DRC9: variants seen among roughly 807,000 people sequenced by gnomAD.
DRC9 encodes the protein dynein regulatory complex subunit 9.
chr3:197,927,259 C>T, the DRC9 span, among the ~76,000 whole-genome samples: 1 of 152,176 alleles, frequency 6.6e-6, no homozygotes, highest in African/African-American at 2.4e-5. Flanking sequence ...CAGAGTCTCA[C>T]TCTGTTCTCC....
the DRC9 span, among the ~76,000 whole-genome samples, chr3:197,955,103 A>C: frequency 6.6e-6 from 1 of 151,896 alleles, no homozygotes; most frequent in Non-Finnish European, 1.5e-5. Flanking sequence ...TGGAATGTAG[A>C]CTGTATATTC....
the DRC9 span, among the ~76,000 whole-genome samples, chr3:197,940,981 G>C: frequency 6.8e-6 from 1 of 145,986 alleles, no homozygotes. Flanking sequence ...TACTGGAGTA[G>C]TGACCACTGC....
the DRC9 span, among the ~76,000 whole-genome samples, chr3:197,904,106 ATATATT>A: frequency 0.027 from 708 of 26,080 alleles, 23 homozygotes; most frequent in African/African-American, 0.052. Flanking sequence ...ATATATATAT[ATATATT>A]TTTTTTTTTA....
chr3:197,943,998 G>A, the DRC9 span: 102 of 1,613,948 alleles, frequency 6.3e-5, no homozygotes, highest in South Asian at 6.9e-4. Context: ...CACTGACACC[G>A]TCATCTCAGA....
At chr3:197,931,331 C>T in the DRC9 span, among the ~76,000 whole-genome samples, 1 of 150,956 alleles carries the variant, frequency 6.6e-6, no homozygotes, top group African/African-American at 2.4e-5. Context: ...AAAATACAAA[C>T]ATTAGCCAGG....
At chr3:197,892,478 G>T in the DRC9 span, 1 of 897,874 alleles carries the variant, frequency 1.1e-6, no homozygotes, top group Non-Finnish European at 1.7e-6. Context: ...CCCAGCTACT[G>T]TGGCCTATTT....
chr3:197,942,728 A>C, the DRC9 span, among the ~76,000 whole-genome samples: 1 of 151,712 alleles, frequency 6.6e-6, no homozygotes. Context: ...GACCAGCCTG[A>C]CCAACATGGA....
the DRC9 span, among the ~76,000 whole-genome samples, chr3:197,908,765 A>T: frequency 6.7e-6 from 1 of 149,214 alleles, no homozygotes; most frequent in East Asian, 2.0e-4. Context: ...TGAAGTCATC[A>T]CAGGGGTGGT....
chr3:197,903,387 C>T, the DRC9 span, among the ~76,000 whole-genome samples: 1 of 152,182 alleles, frequency 6.6e-6, no homozygotes, highest in South Asian at 2.1e-4. Context: ...TGGCTCACAC[C>T]TGTAATCCCA....
the DRC9 span, among the ~76,000 whole-genome samples, chr3:197,949,198 T>A: frequency 6.6e-6 from 1 of 152,270 alleles, no homozygotes; most frequent in Non-Finnish European, 1.5e-5. Flanking sequence ...GGCATAGATT[T>A]GTTTACTGCC....
At chr3:197,929,367 G>T in the DRC9 span, among the ~76,000 whole-genome samples, 2 of 152,216 alleles carry the variant, frequency 1.3e-5, no homozygotes, top group African/African-American at 4.8e-5. This position sits in a 1 kb window ranked among gnomAD's most constrained non-coding sequence, Gnocchi z 4.6. Context: ...ATGCTACAGT[G>T]CAGTGTTGCC....
At chr3:197,911,402 C>G in the DRC9 span, among the ~76,000 whole-genome samples, 335 of 152,144 alleles carry the variant, frequency 2.2e-3, no homozygotes, top group African/African-American at 6.3e-3. Context: ...TGAAGAAAAA[C>G]AGTTCTTTGG....
chr3:197,913,562 C>T, the DRC9 span: 8 of 484,540 alleles, frequency 1.7e-5, no homozygotes, highest in Non-Finnish European at 3.0e-5. Context: ...AACTAAGCAC[C>T]TCGTTTTGCC....
At chr3:197,891,607 C>T in the DRC9 span, 18 of 860,656 alleles carry the variant, frequency 2.1e-5, no homozygotes, top group Non-Finnish European at 2.8e-5. Context: ...TGTAGCCCAG[C>T]CAGCCCTGCA....
At chr3:197,957,713 C>T in the DRC9 span, 3 of 152,158 alleles carry the variant, frequency 2.0e-5, no homozygotes, top group Middle Eastern at 3.1e-3. Context: ...ACGCAGTCAG[C>T]GCGAGGAAGT....
the DRC9 span, among the ~76,000 whole-genome samples, chr3:197,935,631 C>T: frequency 8.2e-4 from 124 of 151,926 alleles, no homozygotes; most frequent in Middle Eastern, 3.4e-3. Context: ...GACTAAAGCA[C>T]GCCACCACGC....
chr3:197,928,565 G>T, the DRC9 span, among the ~76,000 whole-genome samples: 10 of 151,978 alleles, frequency 6.6e-5, no homozygotes, highest in Non-Finnish European at 1.2e-4. Flanking sequence ...GGCCAGGCTG[G>T]TCTCAAACTC....
chr3:197,912,018 AATTAATTTAAAAATT>A, the DRC9 span, among the ~76,000 whole-genome samples: 18 of 152,076 alleles, frequency 1.2e-4, no homozygotes, highest in African/African-American at 4.1e-4. Context: ...ATTTAAAAAT[AATTAATTTAAAAATT>A]ATGTCTTTTT....
At chr3:197,901,145 A>G in the DRC9 span, among the ~76,000 whole-genome samples, 1 of 151,346 alleles carries the variant, frequency 6.6e-6, no homozygotes, top group East Asian at 1.9e-4. This position sits in a 1 kb window ranked among gnomAD's most constrained non-coding sequence, Gnocchi z 4.4. Context: ...TCAGGCCTTG[A>G]CTCTTTTTTT....
Sources: gnomAD v4.1 joint callset for allele counts (sites outside exome capture counted in the v4.1 genomes callset) on GRCh38, gnomAD v4.1.1 for gene constraint, Gnocchi (gnomAD v3.1) non-coding constraint, MANE v1.5 for transcripts, NCBI Gene and HGNC (gene_info 2026-07-23, HGNC 2026-07-21) for gene names.